INTS7: variants seen among roughly 807,000 people sequenced by gnomAD.
INTS7 encodes integrator complex subunit 7.
A neutral mutation model predicts 109.2 loss-of-function variants in INTS7; 46 were observed. That is an observed-to-expected ratio of 0.42 (90% CI 0.33 to 0.54). The LOEUF is 0.54. Among genes scored for constraint, INTS7 ranks in the 20% least tolerant of loss-of-function variants. The pLI, the probability that INTS7 is intolerant of heterozygous loss-of-function variation, is 0.07. For synonymous variants in INTS7, 412 were observed against 402.9 expected (o/e 1.02, Z -0.27); for missense variants, 929 against 1,132.4 (o/e 0.82, Z 2.58).
intron 4 of INTS7, 115 bp from the exon 5 acceptor site, chr1:212,011,536 A>C: frequency 1.5e-6 from 1 of 684,032 alleles, no homozygotes; most frequent in African/African-American, 1.8e-5. Context: ...CCAAACTGCA[A>C]CTAATATTCC....
chr1:211,994,782 A>G (rs561543926), intron 7 of INTS7, among the ~76,000 whole-genome samples: 2 of 151,548 alleles, frequency 1.3e-5, no homozygotes, highest in East Asian at 3.9e-4. Context: ...AGTATGTTCA[A>G]TTAAAAAAAA....
chr1:211,978,575 A>C, intron 10 of INTS7, 64 bp from the exon 11 acceptor site: 1 of 1,587,514 alleles, frequency 6.3e-7, no homozygotes, highest in Non-Finnish European at 8.6e-7. Flanking sequence ...TTTAAGGAAA[A>C]GAGCTTTGTA....
chr1:211,948,719 G>GT (rs370102729), intron 17 of INTS7, among the ~76,000 whole-genome samples: 2 of 152,146 alleles, frequency 1.3e-5, no homozygotes, highest in African/African-American at 4.8e-5. Context: ...GTTTTGTTTT[G>GT]TTTTTTGAGA....
Position 211,983,087 on chromosome 1 carries a change from C to T in INTS7, c.998-277G>A, listed in dbSNP as rs1480783188. 4.6e-5 allele frequency among the ~76,000 whole-genome samples: 7 copies of T among 152,018 alleles called. No individual in the cohort carries two copies. The East Asian group carries it at 1.3e-3, about 29-fold the overall frequency. ...TAAAAATTGACTAACAGTACAAAAG[C>T]CAAAACAACTATCCTAAGAGTTCAA... On this transcript the variant is annotated intron_variant, in intron 8 of 19. Transcript: ENST00000366994.
chr1:211,942,599 C>T lies in INTS7; in HGVS notation c.2602-488G>A, dbSNP rs934653303. On this transcript the variant is annotated intron_variant, in intron 19 of 19. Transcript: ENST00000366994. This position sits in a 1 kb window ranked among gnomAD's most constrained non-coding sequence, Gnocchi z 4.2. The stretch of plus-strand genomic sequence containing the variant: ...ACTAAGCAAATTTAAGTTAGGTTCC[C>T]CCCCAACAGTTAGTCTGATTTTTAT... Among the ~76,000 whole-genome samples the T allele has an allele frequency of 2.0e-5, 3 of 152,160 alleles. No homozygotes were observed. Among genetic ancestry groups the T allele is most frequent in the African/African-American group, 7.2e-5 (3 of 41,432 alleles).
intron 5 of INTS7, among the ~76,000 whole-genome samples, chr1:212,010,337 A>G (rs1267111588): frequency 6.6e-6 from 1 of 152,236 alleles, no homozygotes; most frequent in Non-Finnish European, 1.5e-5. Context: ...TTGGGCTCCC[A>G]TAATGACTGT....
At chr1:212,017,161 C>G in intron 3 of INTS7, 138 bp from the exon 4 acceptor site, 1 of 575,754 alleles carries the variant, frequency 1.7e-6, no homozygotes, top group African/African-American at 2.0e-5. Flanking sequence ...TAAAGCATAA[C>G]TTTAGAAATC....
At position 211,946,310 on chromosome 1, in the gene INTS7, C is replaced by T. The variant is rs1662843948; in HGVS notation, c.2415+297G>A. On this transcript the variant is annotated intron_variant, in intron 18 of 19. Coordinates refer to ENST00000366994, the MANE Select transcript of INTS7 (RefSeq NM_015434.4). The surrounding 1 kb of genome is among the most constrained non-coding windows in gnomAD (Gnocchi z 4.3). ...CCAGCCTAGCCAACATGGTGAAACC[C>T]CATCTTTACCAAAAATAAAAAAATC... Among the ~76,000 whole-genome samples the T allele has an allele frequency of 2.0e-5, 3 of 152,064 alleles. No individual in the cohort carries two copies. The highest frequency in any genetic ancestry group is 7.2e-5 in the African/African-American group (3 of 41,410).
chr1:211,953,865 G>C (rs1227347052), intron 16 of INTS7, among the ~76,000 whole-genome samples: 2 of 151,766 alleles, frequency 1.3e-5, no homozygotes, highest in South Asian at 4.1e-4. Flanking sequence ...AAACATACAT[G>C]TGCATGTGTC....
chr1:212,026,091 G>A (rs1268386235), intron 1 of INTS7, among the ~76,000 whole-genome samples: 1 of 152,140 alleles, frequency 6.6e-6, no homozygotes, highest in Non-Finnish European at 1.5e-5. Context: ...GGAGGTTGCA[G>A]TGAGCCAATA....
intron 16 of INTS7, among the ~76,000 whole-genome samples, chr1:211,955,753 CATT>C (rs1386204723): frequency 1.3e-5 from 2 of 152,208 alleles, no homozygotes; most frequent in African/African-American, 2.4e-5. Context: ...AAACAGGCAT[CATT>C]ATCTACCTAC....
At chr1:212,015,019 C>T (rs1173773499) in intron 4 of INTS7, among the ~76,000 whole-genome samples, 3 of 151,354 alleles carry the variant, frequency 2.0e-5, no homozygotes, top group Non-Finnish European at 3.0e-5. Context: ...GGAGCCCTTC[C>T]GCCTGGCAGC....
chr1:211,948,438 A>G (rs1442950909), intron 17 of INTS7, among the ~76,000 whole-genome samples: 1 of 152,240 alleles, frequency 6.6e-6, no homozygotes, highest in Non-Finnish European at 1.5e-5. Flanking sequence ...ACTAGTGTCT[A>G]AGGAGAGAAA....
chr1:211,979,416 G>A (rs1221966040), intron 10 of INTS7, among the ~76,000 whole-genome samples: 1 of 151,966 alleles, frequency 6.6e-6, no homozygotes. Context: ...TCTCTCTCTC[G>A]GCCTTAAGTT....
At position 212,017,005 on chromosome 1, in the gene INTS7, T is replaced by C; in HGVS notation, c.390A>G (p.Ala130=). Residue 130 remains alanine, a synonymous_variant, in exon 4 of 20, where the codon GCA becomes GCG. Coordinates refer to ENST00000366994, the MANE Select transcript of INTS7 (RefSeq NM_015434.4). The stretch of plus-strand genomic sequence containing the variant: ...CATTCTTCCTCTCAGGAATTATTGA[T>C]GCCAGACTTCCCAACATCCTACAGA... ...AITLRMLGSL[A]SIIPERKNAH... The C allele has an allele frequency of 1.3e-6, 2 of 1,598,194 alleles. No individual in the cohort carries two copies. Among genetic ancestry groups the C allele is most frequent in the African/African-American group, 1.4e-5 (1 of 73,844 alleles).
At chr1:211,952,454 G>A (rs1663141646) in intron 17 of INTS7, 115 bp downstream of exon 17, 1 of 1,038,034 alleles carries the variant, frequency 9.6e-7, no homozygotes, top group African/African-American at 1.6e-5. Context: ...CTGTTTTATG[G>A]ATAAGGAAAC....
chr1:212,031,139 C>T (rs1329728052), intron 1 of INTS7, among the ~76,000 whole-genome samples: 4 of 152,160 alleles, frequency 2.6e-5, no homozygotes, highest in Non-Finnish European at 5.9e-5. Flanking sequence ...TGAGTCACTG[C>T]TCTCTTCCCC....
Position 212,011,374 on chromosome 1 carries a change from C to A in INTS7, c.556+1G>T. Reference sequence around the variant, plus strand: ...CATAATACTAAATGAAGAATACATACCTTGAATCATTTCACTGATTTTGTT... The same window carrying A: ...CATAATACTAAATGAAGAATACATAACTTGAATCATTTCACTGATTTTGTT... On this transcript the variant is annotated splice_donor_variant, in intron 5 of 19. Transcript: ENST00000366994. LOFTEE classifies it high-confidence loss of function. 2 of 1,528,062 alleles carry A rather than the reference C, an allele frequency of 1.3e-6. No homozygotes were observed. The highest frequency in any genetic ancestry group is 1.8e-6 in the Non-Finnish European group (2 of 1,107,558). The allele number at this position is 1,528,062 out of a possible 1,614,324, so 94.7% of individuals were successfully genotyped here.
At chr1:212,030,422 G>A (rs934190100) in intron 1 of INTS7, among the ~76,000 whole-genome samples, 23 of 151,826 alleles carry the variant, frequency 1.5e-4, no homozygotes, top group African/African-American at 5.3e-4. Flanking sequence ...CTGAGCAGCT[G>A]GGATTACAGG....
Sources: gnomAD v4.1 joint callset for allele counts (sites outside exome capture counted in the v4.1 genomes callset) on GRCh38, gnomAD v4.1.1 for gene constraint, Gnocchi (gnomAD v3.1) non-coding constraint, MANE v1.5 for transcripts, NCBI Gene and HGNC (gene_info 2026-07-23, HGNC 2026-07-21) for gene names.